DEPDC4: variants seen among roughly 807,000 people sequenced by gnomAD.
DEPDC4 encodes DEP domain containing 4, also known as DEP domain-containing protein 4.
A neutral mutation model predicts 52.0 loss-of-function variants in DEPDC4; 52 were observed. That is an observed-to-expected ratio of 1.00 (90% CI 0.80 to 1.26). The LOEUF is 1.26. DEPDC4 is among the 50% of genes most tolerant of loss of function. The pLI is 0.00. For missense variants in DEPDC4, 530 were observed against 546.9 expected (o/e 0.97, Z 0.31); for synonymous variants, 201 against 196.8 (o/e 1.02, Z -0.18).
chr12:100,255,160 C>T lies in DEPDC4; in HGVS notation c.878+889G>A, dbSNP rs538037769. ...TTGCTTTTCTCTTACAGCTAATCTG[C>T]CCTTTTTGCCTGGAAGCTTTTTAAG... On this transcript the variant is annotated intron_variant, in intron 4 of 9. Coordinates refer to ENST00000550587, the MANE Select transcript of DEPDC4 (RefSeq NM_001364818.2). Among the ~76,000 whole-genome samples the T allele has an allele frequency of 3.3e-5, 5 of 152,318 alleles. No homozygotes were observed. The South Asian group carries it at 1.0e-3, about 32-fold the overall frequency.
At chr12:100,267,169 G>T (rs1042764549), upstream of DEPDC4, 6 of 1,397,448 alleles carry the variant, frequency 4.3e-6, no homozygotes, top group African/African-American at 4.3e-5. Flanking sequence ...CCGGCCGGCA[G>T]GTCTTTTAGT....
chr12:100,236,166 T>A (rs187159204), downstream of DEPDC4, among the ~76,000 whole-genome samples: 508 of 152,322 alleles, frequency 3.3e-3, 1 homozygote, highest in Non-Finnish European at 5.0e-3. Flanking sequence ...TGAGCAAGTA[T>A]CTTTTTGGTA....
the DEPDC4 span, among the ~76,000 whole-genome samples, chr12:100,277,445 G>A: frequency 6.6e-6 from 1 of 152,034 alleles, no homozygotes; most frequent in African/African-American, 2.4e-5. Flanking sequence ...TCTCTTATTG[G>A]GTGTGTACAG....
chr12:100,238,918 C>A (rs1430294325), downstream of DEPDC4, among the ~76,000 whole-genome samples: 1 of 152,188 alleles, frequency 6.6e-6, no homozygotes, highest in East Asian at 1.9e-4. Flanking sequence ...TCTTACTGTG[C>A]TTGCGCCACA....
At chr12:100,270,128 A>G (rs568018889), upstream of DEPDC4, among the ~76,000 whole-genome samples, 1 of 151,662 alleles carries the variant, frequency 6.6e-6, no homozygotes, top group African/African-American at 2.4e-5. Flanking sequence ...CTGGGACTAC[A>G]GGCGCCCACC....
At chr12:100,279,951 A>C in the DEPDC4 span, among the ~76,000 whole-genome samples, 1 of 152,224 alleles carries the variant, frequency 6.6e-6, no homozygotes, top group Admixed American at 6.5e-5. Context: ...TGTATCTCAG[A>C]ACTTTCATCT....
intron 8 of DEPDC4, among the ~76,000 whole-genome samples, chr12:100,244,664 G>C (rs2096177770): frequency 6.6e-6 from 1 of 151,022 alleles, no homozygotes; most frequent in Non-Finnish European, 1.5e-5. Flanking sequence ...TTCTCACTAT[G>C]TTGCCTAGGC....
chr12:100,249,506 A>G (rs1022372600), intron 7 of DEPDC4, among the ~76,000 whole-genome samples: 2 of 152,204 alleles, frequency 1.3e-5, no homozygotes, highest in African/African-American at 4.8e-5. Context: ...AAAAACCCCC[A>G]AACAAAATAG....
chr12:100,272,747 G>A, the DEPDC4 span, among the ~76,000 whole-genome samples: 1 of 151,748 alleles, frequency 6.6e-6, no homozygotes, highest in Non-Finnish European at 1.5e-5. Context: ...TTCTTCTCTT[G>A]GTTTTAACTT....
At chr12:100,275,906 G>T in the DEPDC4 span, among the ~76,000 whole-genome samples, 2 of 117,622 alleles carry the variant, frequency 1.7e-5, no homozygotes, top group Non-Finnish European at 2.2e-5. Context: ...AATTTTGTCA[G>T]TTTTTTTTCT....
downstream of DEPDC4, chr12:100,237,877 T>C (rs1218111527): frequency 1.2e-5 from 2 of 160,704 alleles, no homozygotes; most frequent in Non-Finnish European, 2.6e-5. Context: ...AGGTTATAAT[T>C]TTCTGAACAG....
At chr12:100,254,319 CTTTTTT>C (rs67921438) in intron 4 of DEPDC4, among the ~76,000 whole-genome samples, 2 of 89,436 alleles carry the variant, frequency 2.2e-5, no homozygotes, top group Non-Finnish European at 4.0e-5. Context: ...TTTTTTTTGA[CTTTTTT>C]TTTTTTTTTT....
At chr12:100,238,935 G>A (rs550823349), downstream of DEPDC4, among the ~76,000 whole-genome samples, 10 of 152,264 alleles carry the variant, frequency 6.6e-5, no homozygotes, top group East Asian at 5.8e-4. Context: ...CACAGCCCTC[G>A]TGAAAATTTG....
chr12:100,253,781 T>C (rs2096219312), intron 4 of DEPDC4, 66 bp from the exon 5 acceptor site: 2 of 858,708 alleles, frequency 2.3e-6, no homozygotes, highest in Admixed American at 6.8e-5. Context: ...AAGCACTATT[T>C]GATAAAACAT....
upstream of DEPDC4, among the ~76,000 whole-genome samples, chr12:100,269,664 T>G (rs530919861): frequency 1.3e-5 from 2 of 152,198 alleles, no homozygotes; most frequent in Non-Finnish European, 2.9e-5. Context: ...GGTGGGTAGT[T>G]AGTTGGTGAT....
At chr12:100,278,281 C>T in the DEPDC4 span, among the ~76,000 whole-genome samples, 1 of 152,078 alleles carries the variant, frequency 6.6e-6, no homozygotes, top group Non-Finnish European at 1.5e-5. Flanking sequence ...CTCACTGCAG[C>T]CTCCACCTCC....
upstream of DEPDC4, chr12:100,267,290 A>C: frequency 1.9e-6 from 1 of 537,682 alleles, no homozygotes; most frequent in East Asian, 3.2e-5. Context: ...GAGTAAAGCC[A>C]GAGTCAGTGG....
chr12:100,253,270 G>A (rs2096216411), intron 5 of DEPDC4, among the ~76,000 whole-genome samples: 1 of 152,108 alleles, frequency 6.6e-6, no homozygotes, highest in African/African-American at 2.4e-5. Flanking sequence ...TACTGCCTTA[G>A]ATTTATGCAC....
chr12:100,271,426 A>G (rs951043334), upstream of DEPDC4, among the ~76,000 whole-genome samples: 7 of 152,186 alleles, frequency 4.6e-5, no homozygotes, highest in African/African-American at 1.4e-4. Context: ...TAATTCTTGA[A>G]TGTAATTCTT....
Sources: allele counts gnomAD v4.1 joint callset (sites outside exome capture counted in the v4.1 genomes callset), GRCh38; gene constraint gnomAD v4.1.1; transcripts MANE v1.5; gene names NCBI Gene and HGNC (gene_info 2026-07-23, HGNC 2026-07-21).